TUSC3: variants seen among roughly 807,000 people sequenced by gnomAD.
TUSC3 encodes the protein tumor suppressor candidate 3, also known as dolichyl-diphosphooligosaccharide--protein glycosyltransferase subunit TUSC3.
TUSC3 carries 45 observed loss-of-function variants against 44.8 expected under a neutral mutation model. That is an observed-to-expected ratio of 1.00 (90% confidence interval 0.79 to 1.29). The LOEUF is 1.29. Ranked by LOEUF, TUSC3 falls within the 50% of genes most tolerant of loss-of-function variation. The pLI is 0.00. For synonymous variants in TUSC3, 212 were observed against 152.9 expected (o/e 1.39, Z -2.85); for missense variants, 519 against 437.9 (o/e 1.19, Z -1.65).
the TUSC3 span, among the ~76,000 whole-genome samples, chr8:15,779,488 C>T: frequency 6.6e-6 from 1 of 152,040 alleles, no homozygotes; most frequent in African/African-American, 2.4e-5. Context: ...ATTGACACCA[C>T]TGTAATATGG....
the TUSC3 span, among the ~76,000 whole-genome samples, chr8:15,838,173 T>C: frequency 3.3e-5 from 5 of 152,198 alleles, no homozygotes; most frequent in Non-Finnish European, 7.3e-5. Context: ...TCCTAGCCTG[T>C]GCACAGATTT....
At chr8:15,563,716 G>GAA (rs1404205324) in intron 1 of TUSC3, among the ~76,000 whole-genome samples, 1 of 137,336 alleles carries the variant, frequency 7.3e-6, no homozygotes. Flanking sequence ...GAACAACCTG[G>GAA]AACCTACAAA....
At chr8:15,438,134 AC>A (rs1397245704) in intron 1 of TUSC3, among the ~76,000 whole-genome samples, 2 of 152,154 alleles carry the variant, frequency 1.3e-5, no homozygotes, top group Middle Eastern at 3.4e-3. Context: ...TTCACTCGTT[AC>A]CCAGGCTGGA....
rs141029812 is a variant in TUSC3, at chr8:15,480,496, A to G, written n.92-2890A>G. Among the ~76,000 whole-genome samples, 11 of 152,334 alleles carry G rather than the reference A, an allele frequency of 7.2e-5. No individual in the cohort carries two copies. In the South Asian group the frequency reaches 8.3e-4, roughly 11 times the overall value. ...AAGTCCTACATCAAGTACAACTTCTAGTTGAGTAGAAATGTTAATAGCAGG... is the reference window on the plus strand; with the variant it reads ...AAGTCCTACATCAAGTACAACTTCTGGTTGAGTAGAAATGTTAATAGCAGG... On this transcript the variant is annotated intron_variant and non_coding_transcript_variant, in intron 1 of 5. Transcript: ENST00000503191.
chr8:15,819,367 C>G, the TUSC3 span, among the ~76,000 whole-genome samples: 14 of 130,052 alleles, frequency 1.1e-4, no homozygotes, highest in Non-Finnish European at 1.9e-4. Flanking sequence ...GCCTACTCTT[C>G]CAATCATCTT....
intron 2 of TUSC3, among the ~76,000 whole-genome samples, chr8:15,493,530 T>C (rs1800838408): frequency 6.6e-6 from 1 of 152,166 alleles, no homozygotes; most frequent in Non-Finnish European, 1.5e-5. Flanking sequence ...CCCAAAGTGC[T>C]GGGATTACAG....
chr8:15,522,229 G>C (rs1347715309), intron 2 of TUSC3, among the ~76,000 whole-genome samples: 1 of 151,220 alleles, frequency 6.6e-6, no homozygotes, highest in African/African-American at 2.4e-5. Context: ...ATAGTATTCA[G>C]CCCTTTGTTT....
At chr8:15,820,445 G>C in the TUSC3 span, among the ~76,000 whole-genome samples, 2 of 151,234 alleles carry the variant, frequency 1.3e-5, no homozygotes, top group African/African-American at 4.9e-5. Context: ...TCAGCCTCCT[G>C]ATAAGCTGGA....
chr8:15,681,250 T>G (rs1330667304), intron 6 of TUSC3, among the ~76,000 whole-genome samples: 2 of 151,256 alleles, frequency 1.3e-5, no homozygotes, highest in Admixed American at 6.6e-5. Flanking sequence ...GTAGGATTGG[T>G]ACCAGTTCTT....
chr8:15,841,306 G>C, the TUSC3 span, among the ~76,000 whole-genome samples: 2 of 152,042 alleles, frequency 1.3e-5, no homozygotes, highest in Non-Finnish European at 2.9e-5. Context: ...ACAATTCATT[G>C]TGGTAATTAA....
At chr8:15,596,467 C>A (rs1804071122) in intron 1 of TUSC3, among the ~76,000 whole-genome samples, 1 of 152,108 alleles carries the variant, frequency 6.6e-6, no homozygotes, top group Non-Finnish European at 1.5e-5. Context: ...TTCTTATATG[C>A]ATGTTCCGCA....
chr8:15,845,970 TTCTTACA>T, the TUSC3 span, among the ~76,000 whole-genome samples: 1 of 152,128 alleles, frequency 6.6e-6, no homozygotes, highest in African/African-American at 2.4e-5. Flanking sequence ...GGAAAGGCAC[TTCTTACA>T]TCATGGCAGC....
chr8:15,766,679 C>G (rs1255565749), downstream of TUSC3: 1 of 152,092 alleles, frequency 6.6e-6, no homozygotes, highest in Non-Finnish European at 1.5e-5. Context: ...TTCTTTTACA[C>G]ACGAAGTAAC....
At chr8:15,686,567 A>T (rs991670789) in intron 6 of TUSC3, among the ~76,000 whole-genome samples, 1 of 151,568 alleles carries the variant, frequency 6.6e-6, no homozygotes, top group African/African-American at 2.4e-5. Context: ...TGCCTCAGGG[A>T]TTTTGCACAT....
intron 6 of TUSC3, among the ~76,000 whole-genome samples, chr8:15,683,449 A>G (rs190534042): frequency 6.6e-6 from 1 of 152,050 alleles, no homozygotes; most frequent in East Asian, 1.9e-4. Context: ...AAGACTTCCA[A>G]CTGTAATTTG....
intron 1 of TUSC3, among the ~76,000 whole-genome samples, chr8:15,419,629 T>C (rs2129114800): frequency 6.6e-6 from 1 of 152,292 alleles, no homozygotes; most frequent in Non-Finnish European, 1.5e-5. Context: ...AATTAAATAA[T>C]GCAAACACAA....
At chr8:15,573,230 A>ATATATATATATATATATATATATAT (rs1491232177) in intron 1 of TUSC3, among the ~76,000 whole-genome samples, 3 of 106,126 alleles carry the variant, frequency 2.8e-5, no homozygotes, top group African/African-American at 1.2e-4. Flanking sequence ...ATATATATAT[A>ATATATATATATATATATATATATAT]AAAGTTTTTT....
At chr8:15,618,073 A>T (rs1805073479) in intron 1 of TUSC3, among the ~76,000 whole-genome samples, 1 of 151,666 alleles carries the variant, frequency 6.6e-6, no homozygotes, top group African/African-American at 2.4e-5. Flanking sequence ...TATAAAAGGT[A>T]AAAAAAATGG....
At chr8:15,433,611 C>G (rs1444798347) in intron 1 of TUSC3, among the ~76,000 whole-genome samples, 2 of 151,804 alleles carry the variant, frequency 1.3e-5, no homozygotes, top group African/African-American at 4.8e-5. Flanking sequence ...CCACCACATG[C>G]CAGGGCTTAA....
Sources: allele counts gnomAD v4.1 joint callset (sites outside exome capture counted in the v4.1 genomes callset), GRCh38; gene constraint gnomAD v4.1.1; transcripts MANE v1.5; gene names NCBI Gene and HGNC (gene_info 2026-07-23, HGNC 2026-07-21).